ATP2C2: variants seen among roughly 807,000 people sequenced by gnomAD.
ATP2C2 encodes calcium-transporting ATPase type 2C member 2.
Under a neutral mutation model 110.8 loss-of-function variants are expected in ATP2C2, and 171 were observed. That is an observed-to-expected ratio of 1.54 (90% confidence interval 1.36 to 1.75). ATP2C2 has a LOEUF of 1.75. Among genes scored for constraint, ATP2C2 ranks in the 40% most tolerant of loss-of-function variants. The pLI, the probability that ATP2C2 is intolerant of heterozygous loss-of-function variation, is 0.00. For synonymous variants in ATP2C2, 804 were observed against 508.4 expected (o/e 1.58, Z -7.82); for missense variants, 1,963 against 1,235.0 (o/e 1.59, Z -8.84).
In ATP2C2 at chr16:84,439,471, G is replaced by C; in HGVS notation, c.1156G>C (p.Ala386Pro). 6.2e-7 allele frequency: 1 copy of C among 1,614,182 alleles called. No homozygotes were observed. The highest frequency in any genetic ancestry group is 8.5e-7 in the Non-Finnish European group (1 of 1,180,034). ...LCSDKTGTLT[A>P]NEMTVTQLVT... The stretch of plus-strand genomic sequence containing the variant: ...TTCTGACAAGACGGGGACTCTGACT[G>C]CCAATGAAATGACAGTGACCCAGCT... Residue 386 changes from alanine to proline, a missense_variant, in exon 13 of 27, where the codon GCC (alanine) becomes CCC (proline). By Grantham distance (27) the Ala-to-Pro change is conservative. Coordinates refer to ENST00000262429, the MANE Select transcript of ATP2C2 (RefSeq NM_014861.4).
chr16:84,385,455 CCAT>C (rs1904306176), intron 1 of ATP2C2, among the ~76,000 whole-genome samples: 1 of 152,132 alleles, frequency 6.6e-6, no homozygotes, highest in South Asian at 2.1e-4. Context: ...AACCATATCA[CCAT>C]CATCATCATT....
At chr16:84,437,815 C>T (rs913422673) in intron 11 of ATP2C2, among the ~76,000 whole-genome samples, 3 of 152,262 alleles carry the variant, frequency 2.0e-5, no homozygotes, top group African/African-American at 7.2e-5. Context: ...CACCCCCTGC[C>T]TAGAACATTT....
At chr16:84,370,477 G>A (rs941993076) in intron 1 of ATP2C2, among the ~76,000 whole-genome samples, 3 of 152,140 alleles carry the variant, frequency 2.0e-5, no homozygotes, top group Non-Finnish European at 2.9e-5. Context: ...AATGAAGATC[G>A]ATGGGAAGTG....
chr16:84,423,299 C>T (rs72806604), intron 10 of ATP2C2, 36 bp downstream of exon 10: 118,164 of 1,585,370 alleles, frequency 0.075, 4,705 homozygotes, highest in East Asian at 0.11. Flanking sequence ...GTTTGTTCTG[C>T]AGATGGAGGG....
chr16:84,439,066 C>G (rs908757222), intron 11 of ATP2C2, 100 bp from the exon 12 acceptor site: 1 of 1,532,036 alleles, frequency 6.5e-7, no homozygotes, highest in African/African-American at 1.4e-5. Context: ...CTGGGGACAC[C>G]TAAGACAAGC....
At chr16:84,451,727 A>C (rs1227704546) in intron 17 of ATP2C2, among the ~76,000 whole-genome samples, 194 bp from the exon 18 acceptor site, 8 of 152,154 alleles carry the variant, frequency 5.3e-5, no homozygotes, top group Non-Finnish European at 1.2e-4. Flanking sequence ...AATCCCAGCT[A>C]CTCAAGAGGC....
In ATP2C2 at chr16:84,459,262, C is replaced by T. The variant is rs184125296; in HGVS notation, c.2217-8C>T. Reference sequence around the variant, plus strand: ...GGCGGCCGCTGACTGGCTGCGTGTGCCCCGCAGGAGCATCTCCGCCCTGAG... The same window carrying T: ...GGCGGCCGCTGACTGGCTGCGTGTGTCCCGCAGGAGCATCTCCGCCCTGAG... On this transcript the variant is annotated splice_polypyrimidine_tract_variant and splice_region_variant and intron_variant, in intron 22 of 26. Coordinates refer to ENST00000262429, the MANE Select transcript of ATP2C2 (RefSeq NM_014861.4). 6.8e-6 allele frequency: 11 copies of T among 1,614,044 alleles called. No homozygotes were observed. The highest frequency in any genetic ancestry group is 3.3e-4 in the Middle Eastern group (2 of 6,060).
chr16:84,449,003 C>T (rs1451113990), intron 17 of ATP2C2, among the ~76,000 whole-genome samples: 3 of 152,234 alleles, frequency 2.0e-5, no homozygotes, highest in South Asian at 2.1e-4. Context: ...CTCATTGCCT[C>T]TTGTCAGGAA....
At chr16:84,400,551 TCTC>T (rs1437596574) in intron 2 of ATP2C2, among the ~76,000 whole-genome samples, 2 of 152,066 alleles carry the variant, frequency 1.3e-5, no homozygotes, top group Admixed American at 6.6e-5. Flanking sequence ...ATGGTCTCGA[TCTC>T]CTGACCTCAT....
intron 16 of ATP2C2, among the ~76,000 whole-genome samples, chr16:84,448,037 C>T (rs1290934599): frequency 6.6e-6 from 1 of 152,040 alleles, no homozygotes; most frequent in Non-Finnish European, 1.5e-5. Context: ...TCATAGTCTA[C>T]ATGTTTGTCA....
At chr16:84,429,586 C>G (rs950182379) in intron 11 of ATP2C2, among the ~76,000 whole-genome samples, 1 of 152,016 alleles carries the variant, frequency 6.6e-6, no homozygotes, top group African/African-American at 2.4e-5. Context: ...AGGTTGTGAA[C>G]AAGACAGTCA....
intron 1 of ATP2C2, among the ~76,000 whole-genome samples, chr16:84,369,702 C>T (rs969493878): frequency 2.0e-5 from 3 of 151,912 alleles, no homozygotes; most frequent in Non-Finnish European, 2.9e-5. Context: ...ATTTTTTTCT[C>T]CCAAAGAATA....
chr16:84,370,805 T>C (rs985307297), intron 1 of ATP2C2, among the ~76,000 whole-genome samples: 2 of 151,744 alleles, frequency 1.3e-5, no homozygotes, highest in African/African-American at 4.8e-5. Context: ...CTCTAAGCCC[T>C]CCCCTCCCCC....
chr16:84,434,365 G>A (rs1021766661), intron 11 of ATP2C2, among the ~76,000 whole-genome samples: 2 of 151,776 alleles, frequency 1.3e-5, no homozygotes, highest in South Asian at 2.1e-4. Context: ...GCGGTGAGCC[G>A]AGATTGCACC....
intron 1 of ATP2C2, among the ~76,000 whole-genome samples, chr16:84,376,951 T>C (rs1597727372): frequency 1.3e-5 from 2 of 152,236 alleles, no homozygotes; most frequent in Admixed American, 1.3e-4. Context: ...CTGTGGACTG[T>C]CAGTGATTCT....
intron 15 of ATP2C2, among the ~76,000 whole-genome samples, chr16:84,444,901 T>C (rs954637204): frequency 2.6e-5 from 4 of 152,234 alleles, no homozygotes; most frequent in African/African-American, 7.2e-5. Context: ...TAAATGGCAC[T>C]GAGGCCAGGC....
At chr16:84,423,848 C>T (rs1025711062) in intron 10 of ATP2C2, among the ~76,000 whole-genome samples, 1 of 152,180 alleles carries the variant, frequency 6.6e-6, no homozygotes. Flanking sequence ...CAGGCTGTTC[C>T]TGGACTGGGA....
In ATP2C2 at chr16:84,398,537, G is replaced by C; in HGVS notation, c.138G>C (p.Glu46Asp). ...GTGAGCTGAAAGCCATCGAGAAAGA[G>C]AAGAAGGTGACAGCCCTGCCCCCCA... is the stretch of plus-strand genomic sequence containing the variant. ...EQSELKAIEK[E>D]KKVTALPPKE... The change falls in exon 2 of 27, where the codon GAG becomes GAC. Residue 46 changes from glutamate to aspartate, a missense_variant. Glu to Asp is a conservative substitution (Grantham distance 45). Transcript: ENST00000262429. The C allele has an allele frequency of 6.2e-7, 1 of 1,613,648 alleles. No homozygotes were observed. The highest frequency in any genetic ancestry group is 1.1e-5 in the South Asian group (1 of 91,010).
chr16:84,460,873 C>T (rs1303112667), intron 24 of ATP2C2, 72 bp downstream of exon 24: 8 of 1,504,500 alleles, frequency 5.3e-6, no homozygotes, highest in South Asian at 1.3e-5. Context: ...GCAGTCCCTG[C>T]CCTCCTGCCA....
Sources: gnomAD v4.1 joint callset for allele counts (sites outside exome capture counted in the v4.1 genomes callset) on GRCh38, gnomAD v4.1.1 for gene constraint, MANE v1.5 for transcripts, NCBI Gene and HGNC (gene_info 2026-07-23, HGNC 2026-07-21) for gene names.